Variants in KIAA1549L observed in about 807,000 individuals in gnomAD.
The protein encoded by KIAA1549L is UPF0606 protein KIAA1549L.
A neutral mutation model predicts 160.7 loss-of-function variants in KIAA1549L; 88 were observed. That is an observed-to-expected ratio of 0.55 (90% CI 0.46 to 0.65). KIAA1549L has a LOEUF of 0.65. KIAA1549L is among the 30% of genes least tolerant of loss of function. KIAA1549L has a pLI of 0.00. For synonymous variants in KIAA1549L, 950 were observed against 976.7 expected (o/e 0.97, Z 0.51); for missense variants, 2,258 against 2,437.5 (o/e 0.93, Z 1.55).
chr11:33,497,426 A>C (rs1160161686), intron 1 of KIAA1549L, among the ~76,000 whole-genome samples: 2 of 151,984 alleles, frequency 1.3e-5, no homozygotes, highest in Non-Finnish European at 2.9e-5. Context: ...CCATAATAAA[A>C]CTCGTTTGTC....
At chr11:33,535,397 G>C (rs1853871181) in intron 1 of KIAA1549L, among the ~76,000 whole-genome samples, 1 of 152,146 alleles carries the variant, frequency 6.6e-6, no homozygotes, top group African/African-American at 2.4e-5. Flanking sequence ...GGTTGGCTGG[G>C]CATGGTGGCT....
intron 16 of KIAA1549L, 91 bp downstream of exon 16, chr11:33,618,753 A>G (rs1186512614): frequency 8.3e-6 from 10 of 1,202,652 alleles, no homozygotes; most frequent in Admixed American, 7.0e-5. Context: ...GGTTTACCAC[A>G]TATTTGTGGA....
At chr11:33,412,504 G>C (rs181651500) in intron 1 of KIAA1549L, among the ~76,000 whole-genome samples, 1 of 152,162 alleles carries the variant, frequency 6.6e-6, no homozygotes, top group Non-Finnish European at 1.5e-5. Context: ...GCTACCATGA[G>C]GCAAGAAATG....
intron 11 of KIAA1549L, among the ~76,000 whole-genome samples, chr11:33,585,044 C>T (rs1202532981): frequency 6.6e-6 from 1 of 152,200 alleles, no homozygotes; most frequent in Non-Finnish European, 1.5e-5. Context: ...GTTTGTTAAA[C>T]TGATACACCT....
intron 1 of KIAA1549L, among the ~76,000 whole-genome samples, chr11:33,446,428 T>A (rs1286163452): frequency 6.6e-6 from 1 of 152,196 alleles, no homozygotes; most frequent in Admixed American, 6.5e-5. Context: ...AAAAGTCCTG[T>A]CTTTAAAGAA....
At position 33,501,339 on chromosome 11, in the gene KIAA1549L, T is replaced by C. The variant is rs146385927; in HGVS notation, c.239-40463T>C. Among the ~76,000 whole-genome samples, 982 of 152,304 alleles carry C rather than the reference T, an allele frequency of 6.4e-3. 8 individuals are homozygous for C. The highest frequency in any genetic ancestry group is 0.022 in the African/African-American group (905 of 41,564). On this transcript the variant is annotated intron_variant, in intron 1 of 20. Transcript: ENST00000658780. The stretch of plus-strand genomic sequence containing the variant: ...CTTTCTTGCTGGTGCTGTCAAAAAA[T>C]TGGGAATTAAGCAGATTTAGATAAC...
At chr11:33,435,830 ATGTATATG>A (rs1379777634) in intron 1 of KIAA1549L, among the ~76,000 whole-genome samples, 2 of 43,388 alleles carry the variant, frequency 4.6e-5, no homozygotes, top group East Asian at 1.3e-3. Flanking sequence ...ATATATATAT[ATGTATATG>A]TATATGTGTG....
At chr11:33,658,704 C>T (rs958167058) in intron 18 of KIAA1549L, 46 bp from the exon 19 acceptor site, 11 of 1,551,948 alleles carry the variant, frequency 7.1e-6, no homozygotes, top group South Asian at 1.2e-5. Flanking sequence ...CGGGACGCCG[C>T]CTGAGGTCTG....
intron 1 of KIAA1549L, among the ~76,000 whole-genome samples, chr11:33,378,943 A>G (rs1372596534): frequency 6.6e-6 from 1 of 152,190 alleles, no homozygotes; most frequent in African/African-American, 2.4e-5. Context: ...AAGTGGTGTC[A>G]AGAGGGAGGC....
intron 17 of KIAA1549L, among the ~76,000 whole-genome samples, chr11:33,650,770 G>A (rs1247594634): frequency 3.9e-5 from 6 of 152,134 alleles, no homozygotes; most frequent in East Asian, 1.9e-4. Context: ...GCCCCTCTCC[G>A]GTGGCTTCTT....
intron 15 of KIAA1549L, among the ~76,000 whole-genome samples, chr11:33,615,103 A>G (rs1337378155): frequency 6.6e-6 from 1 of 151,352 alleles, no homozygotes; most frequent in Non-Finnish European, 1.5e-5. Context: ...TCATTTCCCC[A>G]CTCCCCAGCT....
chr11:33,595,641 C>T (rs1178254020), intron 12 of KIAA1549L, among the ~76,000 whole-genome samples: 1 of 152,216 alleles, frequency 6.6e-6, no homozygotes, highest in African/African-American at 2.4e-5. Flanking sequence ...ATGGGAGTCT[C>T]TGATCATTTG....
intron 1 of KIAA1549L, among the ~76,000 whole-genome samples, chr11:33,528,761 C>G (rs1472011144): frequency 6.6e-6 from 1 of 152,138 alleles, no homozygotes; most frequent in Non-Finnish European, 1.5e-5. Context: ...CACTTATAAG[C>G]AGAAGCTAAG....
chr11:33,412,874 A>G (rs570629114), intron 1 of KIAA1549L, among the ~76,000 whole-genome samples: 1 of 152,344 alleles, frequency 6.6e-6, no homozygotes, highest in East Asian at 1.9e-4. Flanking sequence ...GGAAACTGAG[A>G]TATAGAGAGG....
chr11:33,535,812 T>G (rs1283895013), intron 1 of KIAA1549L, among the ~76,000 whole-genome samples: 3 of 152,208 alleles, frequency 2.0e-5, no homozygotes, highest in Non-Finnish European at 4.4e-5. Flanking sequence ...GATCAAATTT[T>G]TACTTCAGTG....
chr11:33,525,147 T>C (rs1488457588), intron 1 of KIAA1549L, among the ~76,000 whole-genome samples: 1 of 152,156 alleles, frequency 6.6e-6, no homozygotes, highest in African/African-American at 2.4e-5. Flanking sequence ...CAAGAACCAC[T>C]ACAGGAACAT....
Position 33,494,885 on chromosome 11 carries a change from A to G in KIAA1549L, c.239-46917A>G, listed in dbSNP as rs111716690. ...GGTCCATGCTATGATTGATTTATTT[A>G]CATTCGTGGTCACATCAGTCGTAGT... On this transcript the variant is annotated intron_variant, in intron 1 of 20. Coordinates refer to ENST00000658780, the MANE Select transcript of KIAA1549L (RefSeq NM_012194.3). Among the ~76,000 whole-genome samples, 373 of 152,252 alleles carry G rather than the reference A, an allele frequency of 2.4e-3. 4 individuals carry two copies. In the South Asian group the frequency reaches 0.026, roughly 10 times the overall value.
intron 1 of KIAA1549L, among the ~76,000 whole-genome samples, chr11:33,516,175 G>A (rs1430060623): frequency 1.7e-4 from 2 of 11,842 alleles, no homozygotes; most frequent in African/African-American, 3.6e-3. Flanking sequence ...TTTTTGAGAC[G>A]GAGTCTCGCT....
intron 15 of KIAA1549L, among the ~76,000 whole-genome samples, chr11:33,615,069 A>T (rs1271221834): frequency 6.6e-6 from 1 of 151,952 alleles, no homozygotes; most frequent in Admixed American, 6.6e-5. Context: ...CATACCCTTT[A>T]TTGATTTTCC....
Sources: allele counts gnomAD v4.1 joint callset (sites outside exome capture counted in the v4.1 genomes callset), GRCh38; gene constraint gnomAD v4.1.1; transcripts MANE v1.5; gene names NCBI Gene and HGNC (gene_info 2026-07-23, HGNC 2026-07-21).